The following LLGL2 variants were observed in gnomAD, a reference collection of about 807,000 sequenced individuals.
LLGL2 encodes the protein LLGL2, scribble cell polarity complex component.
Under a neutral mutation model 123.2 loss-of-function variants are expected in LLGL2, and 81 were observed. The observed-to-expected ratio is 0.66, with a 90% CI of 0.55 to 0.79. The LOEUF is 0.79. LLGL2 is among the 30% of genes least tolerant of loss of function. The pLI, the probability that LLGL2 is intolerant of heterozygous loss-of-function variation, is 0.00. For missense variants in LLGL2, 1,273 were observed against 1,414.6 expected, an observed-to-expected ratio of 0.90 and a Z score of 1.61; for synonymous variants, 577 against 594.1, an observed-to-expected ratio of 0.97 and a Z score of 0.42.
intron 2 of LLGL2, among the ~76,000 whole-genome samples, chr17:75,550,959 T>C (rs926599592): frequency 6.6e-6 from 1 of 152,032 alleles, no homozygotes; most frequent in Non-Finnish European, 1.5e-5. Context: ...TGTTCCCAAA[T>C]CCCAATCCCT....
At chr17:75,526,445 C>G (rs998097065) in intron 1 of LLGL2, among the ~76,000 whole-genome samples, 2 of 152,224 alleles carry the variant, frequency 1.3e-5, no homozygotes, top group African/African-American at 4.8e-5. Context: ...GGGGTTTGCG[C>G]TGTGGGATTT....
At chr17:75,529,099 T>C (rs1399637851) in intron 1 of LLGL2, among the ~76,000 whole-genome samples, 3 of 150,890 alleles carry the variant, frequency 2.0e-5, no homozygotes, top group Non-Finnish European at 2.9e-5. Flanking sequence ...GAGGTTGCAG[T>C]GAGCCGAGAT....
intron 10 of LLGL2, among the ~76,000 whole-genome samples, chr17:75,566,743 C>T (rs1308791785): frequency 6.6e-6 from 1 of 152,098 alleles, no homozygotes; most frequent in Non-Finnish European, 1.5e-5. Flanking sequence ...GCTGGGAGCA[C>T]CAGGAATCCT....
At chr17:75,561,148 A>G (rs1056119711) in intron 6 of LLGL2, among the ~76,000 whole-genome samples, 15 of 152,228 alleles carry the variant, frequency 9.9e-5, no homozygotes, top group African/African-American at 3.6e-4. Flanking sequence ...GGCAGTTTAA[A>G]TTCTCGTCCT....
At chr17:75,561,674 A>G (rs565967475) in intron 6 of LLGL2, among the ~76,000 whole-genome samples, 87 of 152,272 alleles carry the variant, frequency 5.7e-4, no homozygotes, top group African/African-American at 2.1e-3. Flanking sequence ...TGATCCCAGC[A>G]CTTTGGGAGG....
rs78576115 is a variant in LLGL2, at chr17:75,559,606, A to T, written c.530+196A>T. On this transcript the variant is annotated intron_variant, in intron 6 of 25. Transcript: ENST00000392550. The surrounding 1 kb of genome is among the most constrained non-coding windows in gnomAD (Gnocchi z 4.6). The stretch of plus-strand genomic sequence containing the variant: ...GCCTGTCATAGGTTAGCATCATAGC[A>T]CTAAAAAGGGGGCTTTGAGGGTCCC... Among the ~76,000 whole-genome samples the T allele has an allele frequency of 0.02, 3,059 of 152,292 alleles. 36 individuals are homozygous for T. Among genetic ancestry groups the T allele is most frequent in the Middle Eastern group, 0.044 (13 of 294 alleles).
chr17:75,574,640 C>A lies in LLGL2; in HGVS notation c.3027C>A (p.Ala1009=). Residue 1009 remains alanine (A), a synonymous_variant, in exon 25 of 26, where the codon GCC becomes GCA. Coordinates refer to ENST00000392550, the MANE Select transcript of LLGL2 (RefSeq NM_001031803.2). ...GCAACTGGCGTTCACATCGAGCCGC[C>A]GTGGGGTGCAGCCTCAGCAATGGCG... ...GSGNWRSHRA[A]VGCSLSNGGA... The A allele has an allele frequency of 6.2e-7, 1 of 1,612,236 alleles. No individual in the cohort carries two copies.
At position 75,549,357 on chromosome 17, in the gene LLGL2, C is replaced by G. The variant is rs188255842; in HGVS notation, c.75+5856C>G. Among the ~76,000 whole-genome samples, 132 of 152,276 alleles carry G rather than the reference C, an allele frequency of 8.7e-4. No individual in the cohort carries two copies. The highest frequency in any genetic ancestry group is 1.6e-3 in the Non-Finnish European group (110 of 68,014). On this transcript the variant is annotated intron_variant, in intron 2 of 25. Coordinates refer to ENST00000392550, the MANE Select transcript of LLGL2 (RefSeq NM_001031803.2). The surrounding 1 kb of genome is among the most constrained non-coding windows in gnomAD (Gnocchi z 4.0). ...CTCGCTCCCCTCGGCCAAACCCAGG[C>G]ACACCCCAAGCAGCCACACCCATCA...
At chr17:75,560,802 TAAAA>T (rs372940306) in intron 6 of LLGL2, among the ~76,000 whole-genome samples, 59 of 96,120 alleles carry the variant, frequency 6.1e-4, no homozygotes, top group South Asian at 1.6e-3. Flanking sequence ...GTTTATTTAT[TAAAA>T]AAAAAAAAAA....
intron 2 of LLGL2, among the ~76,000 whole-genome samples, chr17:75,553,242 G>A (rs1454002397): frequency 6.6e-6 from 1 of 152,228 alleles, no homozygotes; most frequent in Non-Finnish European, 1.5e-5. Context: ...GGCCCTATCT[G>A]TCCCCCTGGC....
chr17:75,529,223 A>T (rs945984035), intron 1 of LLGL2, among the ~76,000 whole-genome samples: 2 of 151,684 alleles, frequency 1.3e-5, no homozygotes, highest in African/African-American at 4.8e-5. Context: ...TTTGAGACGA[A>T]GTCTCCTCTG....
chr17:75,528,531 G>C (rs2053657846), intron 1 of LLGL2, among the ~76,000 whole-genome samples: 1 of 152,172 alleles, frequency 6.6e-6, no homozygotes, highest in Admixed American at 6.5e-5. Flanking sequence ...CTGAGGTCAG[G>C]AGTTTGAGAG....
At chr17:75,535,660 C>T (rs758746471) in intron 1 of LLGL2, among the ~76,000 whole-genome samples, 8 of 152,234 alleles carry the variant, frequency 5.3e-5, no homozygotes, top group South Asian at 2.1e-4. Flanking sequence ...GAGGCACAAT[C>T]GCATCTGCCA....
chr17:75,553,562 C>G (rs572173244), intron 2 of LLGL2, among the ~76,000 whole-genome samples: 1 of 152,282 alleles, frequency 6.6e-6, no homozygotes, highest in East Asian at 1.9e-4. Context: ...AGCCCAGGGC[C>G]TAAGGAGGCT....
At chr17:75,526,485 A>G (rs938008876) in intron 1 of LLGL2, among the ~76,000 whole-genome samples, 1 of 152,178 alleles carries the variant, frequency 6.6e-6, no homozygotes, top group Non-Finnish European at 1.5e-5. Flanking sequence ...TATCTTGCCA[A>G]AGAAAGTGTG....
At chr17:75,530,044 C>T (rs1336652103) in intron 1 of LLGL2, among the ~76,000 whole-genome samples, 1 of 152,154 alleles carries the variant, frequency 6.6e-6, no homozygotes, top group African/African-American at 2.4e-5. Context: ...TGGCCTGCCA[C>T]ACAGCAGGCA....
chr17:75,550,159 G>A (rs2054600902), intron 2 of LLGL2, among the ~76,000 whole-genome samples: 1 of 152,236 alleles, frequency 6.6e-6, no homozygotes, highest in Non-Finnish European at 1.5e-5. Context: ...GCTGGGGAGG[G>A]CTGGTCTTGG....
intron 1 of LLGL2, among the ~76,000 whole-genome samples, chr17:75,528,739 A>AAAACAAACAAAC (rs78153446): frequency 4.6e-5 from 7 of 151,462 alleles, no homozygotes; most frequent in Non-Finnish European, 7.4e-5. Flanking sequence ...ACTCCATCTC[A>AAAACAAACAAAC]AAACAAACAA....
intron 6 of LLGL2, among the ~76,000 whole-genome samples, chr17:75,560,029 C>G (rs1196735531): frequency 6.6e-6 from 1 of 152,176 alleles, no homozygotes; most frequent in Non-Finnish European, 1.5e-5. Flanking sequence ...GTGGAATGAT[C>G]TGTGGTTCCA....
Sources: allele counts gnomAD v4.1 joint callset (sites outside exome capture counted in the v4.1 genomes callset), GRCh38; gene constraint gnomAD v4.1.1; non-coding constraint Gnocchi (gnomAD v3.1); transcripts MANE v1.5; gene names NCBI Gene and HGNC (gene_info 2026-07-23, HGNC 2026-07-21).